ACTR6: variants seen among roughly 807,000 people sequenced by gnomAD.
ACTR6 encodes actin-related protein 6.
In ACTR6, 50 loss-of-function variants were observed where a neutral mutation model predicts 52.5. The observed-to-expected ratio is 0.95, with a 90% CI of 0.76 to 1.20. The LOEUF is 1.20. Ranked by LOEUF, ACTR6 falls within the 50% of genes most tolerant of loss-of-function variation. ACTR6 has a pLI of 0.00. For synonymous variants in ACTR6, 135 were observed against 147.2 expected (o/e 0.92, Z 0.60); for missense variants, 344 against 472.4 (o/e 0.73, Z 2.52).
intron 1 of ACTR6, among the ~76,000 whole-genome samples, chr12:100,202,344 T>C (rs1449898156): frequency 6.6e-6 from 1 of 152,122 alleles, no homozygotes; most frequent in Non-Finnish European, 1.5e-5. Flanking sequence ...TAATCAGGAA[T>C]AGCATATTGG....
intron 6 of ACTR6, among the ~76,000 whole-genome samples, chr12:100,211,624 AATAT>A (rs151244612): frequency 6.7e-6 from 1 of 150,164 alleles, no homozygotes. Context: ...GTCAGCTTAA[AATAT>A]ATATATATAT....
At chr12:100,222,920 T>C (rs1046535843) in intron 10 of ACTR6, among the ~76,000 whole-genome samples, 1 of 152,228 alleles carries the variant, frequency 6.6e-6, no homozygotes, top group Non-Finnish European at 1.5e-5. Context: ...GTTTCATTTA[T>C]TAGAGGCAAC....
intron 1 of ACTR6, among the ~76,000 whole-genome samples, chr12:100,201,865 T>C (rs1226465751): frequency 6.6e-6 from 1 of 152,056 alleles, no homozygotes; most frequent in African/African-American, 2.4e-5. Flanking sequence ...TCAAGCAGTC[T>C]ACCCGCGTTG....
chr12:100,208,725 T>C (rs1296737506), intron 4 of ACTR6: 2 of 456,094 alleles, frequency 4.4e-6, no homozygotes, highest in South Asian at 1.5e-5. Context: ...CTGTCATTTA[T>C]GTGTTTGCAA....
chr12:100,215,999 A>G (rs2096123614), intron 8 of ACTR6, among the ~76,000 whole-genome samples: 1 of 152,252 alleles, frequency 6.6e-6, no homozygotes. Flanking sequence ...AACAACCAAT[A>G]GAAATTCCAG....
Position 100,218,764 on chromosome 12 carries a change from T to TTTTTTCTTTTCTTTTATC in ACTR6, c.922+183_922+184insCTTTTCTTTTATCTTTTT, listed in dbSNP as rs1377876979. ...TCTTGATTCATCTTTGATTATAAGT[T>TTTTTTCTTTTCTTTTATC]TTTTTTTGTGATTATAAATTCGATA... On this transcript the variant is annotated intron_variant, in intron 9 of 10. Transcript: ENST00000188312. The surrounding 1 kb of genome is among the most constrained non-coding windows in gnomAD (Gnocchi z 4.2). Among the ~76,000 whole-genome samples the TTTTTTCTTTTCTTTTATC allele has an allele frequency of 2.6e-3, 390 of 152,178 alleles. No individual in the cohort carries two copies. Among genetic ancestry groups the TTTTTTCTTTTCTTTTATC allele is most frequent in the African/African-American group, 9.0e-3 (372 of 41,528 alleles).
intron 10 of ACTR6, chr12:100,221,820 G>T (rs1016728513): frequency 6.6e-6 from 1 of 151,838 alleles, no homozygotes; most frequent in Non-Finnish European, 1.5e-5. Context: ...AAAAAAGAAA[G>T]AAAAGAAAAC....
intron 3 of ACTR6, among the ~76,000 whole-genome samples, chr12:100,206,455 G>C (rs1465690239): frequency 6.6e-6 from 1 of 152,116 alleles, no homozygotes; most frequent in African/African-American, 2.4e-5. Flanking sequence ...TCCAGCCTGG[G>C]TAAGACTATG....
intron 8 of ACTR6, among the ~76,000 whole-genome samples, chr12:100,216,081 G>A (rs905679214): frequency 7.9e-5 from 12 of 152,160 alleles, no homozygotes; most frequent in South Asian, 2.1e-4. Context: ...TGAGAAAATC[G>A]TCCTCATCAT....
In ACTR6 at chr12:100,220,041, T is replaced by C. The variant is rs754463778; in HGVS notation, c.956T>C (p.Leu319Ser). The change falls in exon 10 of 11, where the codon TTG becomes TCG. Residue 319 changes from leucine to serine, a missense_variant. Transcript: ENST00000188312. ...CCGCATTTTTTTAAGAACATTGTCT[T>C]GACAGGAGGAAATTCCCTTTTCCCA... ...MQPHFFKNIV[L>S]TGGNSLFPGF... 1 of 1,614,028 alleles carries C rather than the reference T, an allele frequency of 6.2e-7. No homozygotes were observed. The highest frequency in any genetic ancestry group is 1.7e-5 in the Admixed American group (1 of 59,996).
intron 2 of ACTR6, 139 bp downstream of exon 2, chr12:100,205,196 G>T: frequency 1.4e-5 from 7 of 513,382 alleles, no homozygotes; most frequent in Non-Finnish European, 2.0e-5. Context: ...TAATTGTTTG[G>T]GTAAAAATAA....
chr12:100,217,268 A>T (rs1445676396), intron 8 of ACTR6, among the ~76,000 whole-genome samples: 2 of 152,224 alleles, frequency 1.3e-5, no homozygotes, highest in Non-Finnish European at 2.9e-5. Context: ...GTTAGTGGAT[A>T]TGTGATGGTG....
intron 1 of ACTR6, among the ~76,000 whole-genome samples, chr12:100,201,498 CCTTT>C (rs1367772228): frequency 6.6e-6 from 1 of 152,202 alleles, no homozygotes; most frequent in East Asian, 1.9e-4. Flanking sequence ...ACACGCCTTT[CCTTT>C]ATCAAATTAA....
At chr12:100,202,114 T>C (rs1166316090) in intron 1 of ACTR6, among the ~76,000 whole-genome samples, 1 of 152,094 alleles carries the variant, frequency 6.6e-6, no homozygotes, top group East Asian at 1.9e-4. Flanking sequence ...GTATTTTTAG[T>C]AGAGACGGGG....
In ACTR6 at chr12:100,205,741, T is replaced by C; in HGVS notation, c.252T>C (p.Tyr84=). ...ATTACCTTTTTGGAAAAGAAATGTATCAGGTAACAAATTAGAGTATGTATT... is the reference window on the plus strand; with the variant it reads ...ATTACCTTTTTGGAAAAGAAATGTACCAGGTAACAAATTAGAGTATGTATT... ...VWDYLFGKEM[Y]QVDFLDTNII... Residue 84 remains tyrosine (Y), a synonymous_variant, in exon 3 of 11, where the codon TAT becomes TAC. Transcript: ENST00000188312. 6.7e-7 allele frequency: 1 copy of C among 1,500,574 alleles called. No individual in the cohort carries two copies. Among genetic ancestry groups the C allele is most frequent in the Non-Finnish European group, 8.9e-7 (1 of 1,120,168 alleles). The allele number at this position is 1,500,574 out of a possible 1,614,324, so 93.0% of individuals were successfully genotyped here.
chr12:100,204,628 G>A (rs1199094613), intron 1 of ACTR6, among the ~76,000 whole-genome samples: 1 of 152,140 alleles, frequency 6.6e-6, no homozygotes, highest in Non-Finnish European at 1.5e-5. Flanking sequence ...GCCTCCCAAA[G>A]TGCTGGGATT....
chr12:100,202,216 C>T (rs2153899773), intron 1 of ACTR6, among the ~76,000 whole-genome samples: 1 of 152,192 alleles, frequency 6.6e-6, no homozygotes, highest in African/African-American at 2.4e-5. Flanking sequence ...CAGGTGTGAG[C>T]CACCGCACCG....
intron 9 of ACTR6, among the ~76,000 whole-genome samples, chr12:100,219,131 C>T (rs574971843): frequency 7.0e-6 from 1 of 142,734 alleles, no homozygotes; most frequent in East Asian, 2.0e-4. Context: ...TGGAGAAAAT[C>T]TAGCACAGGC....
chr12:100,202,512 A>T (rs1290547157), intron 1 of ACTR6, among the ~76,000 whole-genome samples: 4 of 152,080 alleles, frequency 2.6e-5, no homozygotes, highest in Non-Finnish European at 1.5e-5. Flanking sequence ...TCCCAGTGTC[A>T]TCTCGTATAC....
Sources: gnomAD v4.1 joint callset for allele counts (sites outside exome capture counted in the v4.1 genomes callset) on GRCh38, gnomAD v4.1.1 for gene constraint, Gnocchi (gnomAD v3.1) non-coding constraint, MANE v1.5 for transcripts, NCBI Gene and HGNC (gene_info 2026-07-23, HGNC 2026-07-21) for gene names.